TSPAN11: variants seen among roughly 807,000 people sequenced by gnomAD.
The protein encoded by TSPAN11 is tetraspanin-11.
In TSPAN11, 29 loss-of-function variants were observed where a neutral mutation model predicts 32.9. The ratio of observed to expected loss-of-function variants is 0.88; its 90% CI spans 0.66 to 1.20. The LOEUF (loss-of-function observed/expected upper bound fraction) is 1.20, where lower values mean the gene tolerates loss of function less well. Ranked by LOEUF, TSPAN11 falls within the 50% of genes most tolerant of loss-of-function variation. The pLI, the probability that TSPAN11 is intolerant of heterozygous loss-of-function variation, is 0.00. For missense variants in TSPAN11, 283 were observed against 329.1 expected (o/e 0.86, Z 1.08); for synonymous variants, 140 against 141.3 (o/e 0.99, Z 0.07).
intron 7 of TSPAN11, among the ~76,000 whole-genome samples, chr12:30,983,399 G>A (rs143481370): frequency 1.7e-4 from 26 of 152,326 alleles, no homozygotes; most frequent in African/African-American, 5.3e-4. Flanking sequence ...GGACCTGGGC[G>A]GAGTGTGAGT....
the TSPAN11 span, among the ~76,000 whole-genome samples, chr12:31,002,544 C>T: frequency 2.0e-5 from 3 of 152,154 alleles, no homozygotes; most frequent in Non-Finnish European, 4.4e-5. The surrounding 1 kb of genome is among the most constrained non-coding windows in gnomAD (Gnocchi z 4.8). Context: ...GGATGCCTCT[C>T]AGACCCCGCC....
intron 2 of TSPAN11, among the ~76,000 whole-genome samples, chr12:30,957,265 T>C (rs1798781530): frequency 7.7e-6 from 1 of 130,280 alleles, no homozygotes; most frequent in African/African-American, 2.7e-5. Flanking sequence ...TCTGCCCCTC[T>C]GTGCTGCCAG....
intron 1 of TSPAN11, among the ~76,000 whole-genome samples, chr12:30,930,158 C>A (rs1937891050): frequency 6.6e-6 from 1 of 152,092 alleles, no homozygotes; most frequent in Non-Finnish European, 1.5e-5. Flanking sequence ...TTTATACTCA[C>A]AAGATGGCAC....
At chr12:30,938,846 A>G (rs1203710295) in intron 1 of TSPAN11, among the ~76,000 whole-genome samples, 1 of 152,088 alleles carries the variant, frequency 6.6e-6, no homozygotes, top group African/African-American at 2.4e-5. Flanking sequence ...AAGCCTACTA[A>G]AAGCCCAACC....
intron 7 of TSPAN11, among the ~76,000 whole-genome samples, chr12:30,991,158 AAGG>A (rs748328151): frequency 2.0e-5 from 3 of 152,202 alleles, no homozygotes; most frequent in Non-Finnish European, 2.9e-5. Flanking sequence ...ATACCGACAG[AAGG>A]GCTGGCAGAC....
rs758713961 is a variant in TSPAN11, at chr12:30,979,666, A to T, written c.452A>T (p.Gln151Leu). 6.2e-7 allele frequency: 1 copy of T among 1,614,172 alleles called. No individual in the cohort carries two copies. The highest frequency in any genetic ancestry group is 1.7e-5 in the Admixed American group (1 of 60,022). Residue 151 changes from glutamine (Q) to leucine (L), a missense_variant, in exon 5 of 8, where the codon CAG (glutamine) becomes CTG (leucine). Coordinates refer to ENST00000546076, the MANE Select transcript of TSPAN11 (RefSeq NM_001370302.1). ...QITASVDRLQ[Q>L]DFKCCGSNSS... The stretch of plus-strand genomic sequence containing the variant: ...ACCGCCTCAGTGGACCGACTCCAGC[A>T]GGATGTAAGCCATGCCCCATATGGC...
chr12:30,952,187 T>C (rs1246491126), intron 1 of TSPAN11, among the ~76,000 whole-genome samples: 1 of 152,110 alleles, frequency 6.6e-6, no homozygotes, highest in Non-Finnish European at 1.5e-5. Context: ...GGGGCAGAAG[T>C]CCAGTGGCCC....
At chr12:30,996,786 T>C (rs1305278074), downstream of TSPAN11, among the ~76,000 whole-genome samples, 1 of 152,288 alleles carries the variant, frequency 6.6e-6, no homozygotes, top group East Asian at 1.9e-4. Flanking sequence ...ATCACTGATG[T>C]GTTTGAACTG....
intron 1 of TSPAN11, among the ~76,000 whole-genome samples, chr12:30,946,080 C>T (rs1219559553): frequency 6.6e-6 from 1 of 152,150 alleles, no homozygotes; most frequent in Admixed American, 6.5e-5. Context: ...ACTGCAGGGT[C>T]CTGAACTTTC....
intron 7 of TSPAN11, among the ~76,000 whole-genome samples, chr12:30,986,319 C>A (rs1480910358): frequency 6.6e-6 from 1 of 152,230 alleles, no homozygotes; most frequent in East Asian, 1.9e-4. Flanking sequence ...AGGGAAATCT[C>A]ATTCCGTCTC....
At chr12:30,940,086 C>G (rs1320240168) in intron 1 of TSPAN11, among the ~76,000 whole-genome samples, 2 of 151,680 alleles carry the variant, frequency 1.3e-5, no homozygotes, top group East Asian at 3.9e-4. Flanking sequence ...GTTGGGAGAA[C>G]TGGCTGGTGC....
At chr12:30,950,941 C>G (rs1211551416) in intron 1 of TSPAN11, among the ~76,000 whole-genome samples, 2 of 152,188 alleles carry the variant, frequency 1.3e-5, no homozygotes, top group African/African-American at 4.8e-5. Flanking sequence ...CTCCAAATTT[C>G]TTTACAACCT....
chr12:31,005,571 G>A, the TSPAN11 span, among the ~76,000 whole-genome samples: 1 of 152,318 alleles, frequency 6.6e-6, no homozygotes, highest in Admixed American at 6.5e-5. Flanking sequence ...GGTGCCCCGT[G>A]CCCCAGGTCT....
intron 5 of TSPAN11, 54 bp downstream of exon 5, chr12:30,979,724 C>T (rs955512424): frequency 9.4e-5 from 148 of 1,581,438 alleles, no homozygotes; most frequent in Non-Finnish European, 1.2e-4. Context: ...ATTCAAATCC[C>T]GACTGTTCTT....
At chr12:30,948,430 T>C (rs1199271222) in intron 1 of TSPAN11, among the ~76,000 whole-genome samples, 2 of 152,226 alleles carry the variant, frequency 1.3e-5, no homozygotes, top group Admixed American at 6.5e-5. Context: ...TCCAGGTGTT[T>C]CCATGTGTCT....
chr12:30,976,969 G>A (rs2140301594), intron 3 of TSPAN11, among the ~76,000 whole-genome samples: 1 of 152,328 alleles, frequency 6.6e-6, no homozygotes, highest in African/African-American at 2.4e-5. Flanking sequence ...TGTGCTCTTG[G>A]CCTCAGGCCC....
intron 1 of TSPAN11, among the ~76,000 whole-genome samples, chr12:30,935,331 G>A (rs763332400): frequency 6.6e-6 from 1 of 151,932 alleles, no homozygotes; most frequent in Non-Finnish European, 1.5e-5. Flanking sequence ...AATTAAGCTG[G>A]GCTTCAAGGG....
chr12:30,947,187 C>T (rs1015128156), intron 1 of TSPAN11, among the ~76,000 whole-genome samples: 3 of 152,192 alleles, frequency 2.0e-5, no homozygotes, highest in East Asian at 3.8e-4. Flanking sequence ...TCTCATGTGT[C>T]ACTCTCTAGG....
At chr12:30,950,467 C>T (rs902646445) in intron 1 of TSPAN11, among the ~76,000 whole-genome samples, 14 of 152,334 alleles carry the variant, frequency 9.2e-5, no homozygotes, top group Middle Eastern at 3.4e-3. Context: ...CACCACTGCA[C>T]GGCATTGTCT....
Sources: gnomAD v4.1 joint callset for allele counts (sites outside exome capture counted in the v4.1 genomes callset) on GRCh38, gnomAD v4.1.1 for gene constraint, Gnocchi (gnomAD v3.1) non-coding constraint, MANE v1.5 for transcripts, NCBI Gene and HGNC (gene_info 2026-07-23, HGNC 2026-07-21) for gene names.